The following ARHGEF3 variants were observed in gnomAD, a reference collection of about 807,000 sequenced individuals.
The protein encoded by ARHGEF3 is Rho guanine nucleotide exchange factor 3.
ARHGEF3 carries 28 observed loss-of-function variants against 63.2 expected under a neutral mutation model. The observed-to-expected ratio is 0.44, with a 90% CI of 0.33 to 0.61. The LOEUF is 0.61. Among genes scored for constraint, ARHGEF3 ranks in the 20% least tolerant of loss-of-function variants. The probability of loss-of-function intolerance (pLI) is 0.03; values close to 1 mark genes in which losing one functional copy is unlikely to be tolerated. For synonymous variants in ARHGEF3, 266 were observed against 254.2 expected, an observed-to-expected ratio of 1.05 and a Z score of -0.44; for missense variants, 533 against 659.3, an observed-to-expected ratio of 0.81 and a Z score of 2.10.
At chr3:56,945,521 T>C (rs1299195140) in intron 3 of ARHGEF3, among the ~76,000 whole-genome samples, 1 of 152,068 alleles carries the variant, frequency 6.6e-6, no homozygotes, top group East Asian at 1.9e-4. Flanking sequence ...CGCTCATTGC[T>C]AGCACAGCAG....
chr3:57,009,415 C>T (rs1702593993), intron 2 of ARHGEF3, among the ~76,000 whole-genome samples: 1 of 152,202 alleles, frequency 6.6e-6, no homozygotes, highest in Non-Finnish European at 1.5e-5. Context: ...GGCTGTCTCG[C>T]ACAACCCGCC....
chr3:57,061,035 C>T (rs899857516), intron 1 of ARHGEF3, among the ~76,000 whole-genome samples: 2 of 152,146 alleles, frequency 1.3e-5, no homozygotes, highest in African/African-American at 4.8e-5. Context: ...TGACATCTAG[C>T]ACATTCACCA....
intron 7 of ARHGEF3, among the ~76,000 whole-genome samples, chr3:56,737,791 T>C (rs1011166746): frequency 6.6e-6 from 1 of 152,168 alleles, no homozygotes; most frequent in Non-Finnish European, 1.5e-5. Flanking sequence ...ACACAATTAA[T>C]AGCTTCAACG....
At chr3:56,917,495 GAAC>G (rs1340474586) in intron 3 of ARHGEF3, among the ~76,000 whole-genome samples, 1 of 152,142 alleles carries the variant, frequency 6.6e-6, no homozygotes, top group Non-Finnish European at 1.5e-5. Context: ...AGGTTCATTT[GAAC>G]AACAAGCTTC....
chr3:56,903,744 C>T (rs2041598113), intron 3 of ARHGEF3, among the ~76,000 whole-genome samples: 2 of 151,928 alleles, frequency 1.3e-5, no homozygotes, highest in African/African-American at 4.9e-5. Context: ...TGCTTCTAGG[C>T]CAGTGGTTCC....
At chr3:57,017,476 G>T (rs1475748912) in intron 2 of ARHGEF3, among the ~76,000 whole-genome samples, 1 of 152,200 alleles carries the variant, frequency 6.6e-6, no homozygotes, top group African/African-American at 2.4e-5. Flanking sequence ...AGAGCTAAAA[G>T]GAGCGTTTTT....
chr3:56,830,348 A>G (rs1305667816), intron 4 of ARHGEF3, among the ~76,000 whole-genome samples: 1 of 152,026 alleles, frequency 6.6e-6, no homozygotes, highest in Non-Finnish European at 1.5e-5. Flanking sequence ...TTTCCCACAT[A>G]TTACCACATT....
intron 3 of ARHGEF3, among the ~76,000 whole-genome samples, chr3:56,931,379 T>C (rs1289257230): frequency 6.6e-6 from 1 of 151,886 alleles, no homozygotes; most frequent in Non-Finnish European, 1.5e-5. Context: ...AGTTCAAGAC[T>C]GTCTTGGGCA....
At chr3:57,018,883 T>C (rs955803190) in intron 2 of ARHGEF3, among the ~76,000 whole-genome samples, 4 of 152,048 alleles carry the variant, frequency 2.6e-5, no homozygotes, top group Non-Finnish European at 4.4e-5. Flanking sequence ...TTGCCCAAGG[T>C]CATAAAACAA....
intron 1 of ARHGEF3, among the ~76,000 whole-genome samples, chr3:57,037,567 A>G (rs1371479409): frequency 1.3e-5 from 2 of 152,224 alleles, no homozygotes; most frequent in Admixed American, 1.3e-4. Flanking sequence ...TTCTGTAGAC[A>G]GGCACCAATA....
At chr3:56,966,832 T>C (rs1338697100) in intron 2 of ARHGEF3, among the ~76,000 whole-genome samples, 1 of 150,310 alleles carries the variant, frequency 6.7e-6, no homozygotes, top group Non-Finnish European at 1.5e-5. Flanking sequence ...CCACCCTCTG[T>C]CAGCCTTTTT....
intron 1 of ARHGEF3, among the ~76,000 whole-genome samples, chr3:57,037,329 T>C (rs1017753138): frequency 2.6e-5 from 4 of 152,244 alleles, no homozygotes; most frequent in South Asian, 2.1e-4. Context: ...TCAACCTACC[T>C]CATTTCGGCC....
chr3:56,897,188 A>T (rs1390663215), intron 3 of ARHGEF3, among the ~76,000 whole-genome samples: 4 of 152,168 alleles, frequency 2.6e-5, no homozygotes, highest in Non-Finnish European at 5.9e-5. Context: ...ATCCGTTACT[A>T]TCATTTTTCA....
chr3:57,041,125 A>G (rs1260360226), intron 1 of ARHGEF3, among the ~76,000 whole-genome samples: 1 of 152,238 alleles, frequency 6.6e-6, no homozygotes, highest in Admixed American at 6.5e-5. Flanking sequence ...TCTCAAAAGC[A>G]GAACATCTCA....
rs1387005596 is a variant in ARHGEF3 at position 56,967,447 on chromosome 3, T to C, written c.63-8558A>G. Reference sequence around the variant, plus strand: ...ATTATATATTATATAATATATTATATATTATACATATTATATATTATATAA... The same window carrying C: ...ATTATATATTATATAATATATTATACATTATACATATTATATATTATATAA... On this transcript the variant is annotated intron_variant, in intron 2 of 12. Coordinates refer to the ARHGEF3 transcript ENST00000338458. Among the ~76,000 whole-genome samples, 2 of 76,534 alleles carry C rather than the reference T, an allele frequency of 2.6e-5. 1 individual carries two copies. The highest frequency in any genetic ancestry group is 4.4e-5 in the Non-Finnish European group (2 of 45,710). 50.2% of individuals were successfully genotyped at this position (76,534 alleles called of 152,430 possible). A position where few individuals can be genotyped will look rare whatever the true frequency, so the allele number is the denominator to read the frequency against.
At chr3:56,947,135 T>C (rs4681938) in intron 3 of ARHGEF3, among the ~76,000 whole-genome samples, 17,590 of 152,032 alleles carry the variant, frequency 0.12, 1,285 homozygotes, top group East Asian at 0.26. Context: ...AAGCACTAAA[T>C]ATGGAAAGGA....
chr3:56,813,127 A>T (rs1461508556), intron 4 of ARHGEF3, among the ~76,000 whole-genome samples: 3 of 152,224 alleles, frequency 2.0e-5, no homozygotes, highest in Non-Finnish European at 2.9e-5. Flanking sequence ...AGGCAATGAA[A>T]GAGTGCCCTG....
intron 7 of ARHGEF3, among the ~76,000 whole-genome samples, chr3:56,742,548 A>G (rs567833072): frequency 6.6e-6 from 1 of 152,242 alleles, no homozygotes; most frequent in South Asian, 2.1e-4. Flanking sequence ...GATATTTGTC[A>G]AGCTATATTG....
intron 9 of ARHGEF3, among the ~76,000 whole-genome samples, chr3:56,730,332 C>T (rs1452081537): frequency 2.6e-5 from 4 of 151,542 alleles, no homozygotes; most frequent in Admixed American, 2.6e-4. Context: ...TCAACAGGAG[C>T]CATCTGCATT....
Sources: gnomAD v4.1 joint callset for allele counts (sites outside exome capture counted in the v4.1 genomes callset) on GRCh38, gnomAD v4.1.1 for gene constraint, MANE v1.5 for transcripts, NCBI Gene and HGNC (gene_info 2026-07-23, HGNC 2026-07-21) for gene names.